Variants in LTBP1 observed in about 807,000 individuals in gnomAD.
The protein encoded by LTBP1 is latent-transforming growth factor beta-binding protein 1.
In LTBP1, 129 loss-of-function variants were observed where a neutral mutation model predicts 207.6. The ratio of observed to expected loss-of-function variants is 0.62; its 90% CI spans 0.54 to 0.72. The LOEUF (loss-of-function observed/expected upper bound fraction) is 0.72, where lower values mean the gene tolerates loss of function less well. Ranked by LOEUF, LTBP1 falls within the 30% of genes least tolerant of loss-of-function variation. The pLI is 0.00. For synonymous variants in LTBP1, 963 were observed against 833.7 expected, an observed-to-expected ratio of 1.16 and a Z score of -2.67; for missense variants, 2,281 against 2,217.2, an observed-to-expected ratio of 1.03 and a Z score of -0.58.
intron 29 of LTBP1, 59 bp downstream of exon 29, chr2:33,363,577 A>G (rs928163834): frequency 8.4e-6 from 13 of 1,548,874 alleles, no homozygotes; most frequent in Non-Finnish European, 9.7e-6. Context: ...GGAAAAAATA[A>G]CTATGCTATG....
chr2:33,175,108 A>C lies in LTBP1; in HGVS notation c.1202-11748A>C, dbSNP rs1055744127. On this transcript the variant is annotated intron_variant, in intron 5 of 33. Coordinates refer to ENST00000404816, the MANE Select transcript of LTBP1 (RefSeq NM_206943.4). ...GGACATAGGCATGGGCAAGGACTTC[A>C]TGTCTAAAACACCAAAAGCAATGGC... 9.2e-5 allele frequency among the ~76,000 whole-genome samples: 14 copies of C among 152,184 alleles called. No individual in the cohort carries two copies. In the South Asian group the frequency reaches 1.0e-3, roughly 11 times the overall value.
chr2:32,992,040 C>T (rs1484182337), intron 2 of LTBP1, among the ~76,000 whole-genome samples: 1 of 152,102 alleles, frequency 6.6e-6, no homozygotes, highest in Non-Finnish European at 1.5e-5. Flanking sequence ...TGACTTTTGT[C>T]AGAATTTGTG....
At chr2:33,393,940 C>T (rs2095338086) in intron 32 of LTBP1, among the ~76,000 whole-genome samples, 2 of 151,388 alleles carry the variant, frequency 1.3e-5, no homozygotes, top group African/African-American at 2.4e-5. Context: ...TCTCCACATC[C>T]TCTCCAGCAC....
At chr2:33,146,378 A>T (rs914916315) in intron 5 of LTBP1, among the ~76,000 whole-genome samples, 3 of 152,220 alleles carry the variant, frequency 2.0e-5, no homozygotes, top group African/African-American at 7.2e-5. Flanking sequence ...ACAAGCCCCT[A>T]TGAGAAGTCA....
chr2:33,019,325 CTTCT>C (rs1688823699), intron 2 of LTBP1, among the ~76,000 whole-genome samples: 1 of 132,836 alleles, frequency 7.5e-6, no homozygotes, highest in African/African-American at 2.8e-5. Context: ...AGCATGTACA[CTTCT>C]TTTTTTTTTT....
At position 33,364,502 on chromosome 2, in the gene LTBP1, A is replaced by C. The variant is rs1233426281; in HGVS notation, c.4540+146A>C. ...AAATGAGATACAATGAGATACTTAC[A>C]GAAATAGTAATAAGATGCATATCAT... is the stretch of plus-strand genomic sequence containing the variant. On this transcript the variant is annotated intron_variant, in intron 30 of 33. Coordinates refer to ENST00000404816, the MANE Select transcript of LTBP1 (RefSeq NM_206943.4). 4 of 774,772 alleles carry C rather than the reference A, an allele frequency of 5.2e-6. No individual in the cohort carries two copies. In the Admixed American group the frequency reaches 1.2e-4, roughly 23 times the overall value. The allele number at this position is 774,772 out of a possible 1,614,324, so 48.0% of individuals were successfully genotyped here. A position where few individuals can be genotyped will look rare whatever the true frequency, so the allele number is the denominator to read the frequency against.
chr2:33,285,433 T>TTTTC (rs752770630), intron 19 of LTBP1, among the ~76,000 whole-genome samples: 4 of 148,728 alleles, frequency 2.7e-5, no homozygotes, highest in African/African-American at 9.9e-5. Flanking sequence ...GAGCATTCTC[T>TTTTC]TTTCTTTCTT....
intron 5 of LTBP1, among the ~76,000 whole-genome samples, chr2:33,186,024 T>C (rs2087152738): frequency 6.6e-6 from 1 of 152,216 alleles, no homozygotes; most frequent in Non-Finnish European, 1.5e-5. Flanking sequence ...CCTCTTAAAA[T>C]TCTTTGCCCA....
chr2:33,157,554 A>T (rs2084068798), intron 5 of LTBP1, among the ~76,000 whole-genome samples: 1 of 152,224 alleles, frequency 6.6e-6, no homozygotes, highest in Admixed American at 6.5e-5. Context: ...TCAAGGTCAT[A>T]GTTGGTGGCA....
At chr2:33,340,258 A>C (rs992669092) in intron 24 of LTBP1, among the ~76,000 whole-genome samples, 83 of 36,090 alleles carry the variant, frequency 2.3e-3, no homozygotes, top group African/African-American at 8.5e-3. Flanking sequence ...ACTCTGTCTC[A>C]AAAAAAAAAA....
At chr2:33,259,543 A>G (rs2092954837) in intron 12 of LTBP1, 45 bp from the exon 13 acceptor site, 4 of 1,395,504 alleles carry the variant, frequency 2.9e-6, no homozygotes, top group Non-Finnish European at 3.9e-6. Context: ...AATAGACTGA[A>G]TTGTCTTAAA....
At chr2:33,252,587 T>A in intron 10 of LTBP1, 90 bp from the exon 11 acceptor site, 1 of 1,225,144 alleles carries the variant, frequency 8.2e-7, no homozygotes, top group Non-Finnish European at 1.1e-6. Context: ...GGTTTTTAAT[T>A]CATACCTTAG....
Position 33,065,249 on chromosome 2 carries a change from G to A in LTBP1, c.863+44043G>A, listed in dbSNP as rs574498614. Among the ~76,000 whole-genome samples, 3 of 152,202 alleles carry A rather than the reference G, an allele frequency of 2.0e-5. No homozygotes were observed. In the East Asian group the frequency reaches 5.8e-4, roughly 29 times the overall value. On this transcript the variant is annotated intron_variant, in intron 3 of 33. Coordinates refer to ENST00000404816, the MANE Select transcript of LTBP1 (RefSeq NM_206943.4). Reference sequence around the variant, plus strand: ...AAGTTTTAAATGTTAAACCAACCTTGCATTACTAGGATAAATTCCACTTGA... The same window carrying A: ...AAGTTTTAAATGTTAAACCAACCTTACATTACTAGGATAAATTCCACTTGA...
At chr2:33,353,659 A>G (rs2094813664) in intron 26 of LTBP1, among the ~76,000 whole-genome samples, 1 of 152,172 alleles carries the variant, frequency 6.6e-6, no homozygotes, top group Non-Finnish European at 1.5e-5. Context: ...GGAAATGTCT[A>G]TTCACACTTC....
intron 3 of LTBP1, among the ~76,000 whole-genome samples, chr2:33,108,830 C>T (rs558320787): frequency 1.2e-4 from 18 of 152,312 alleles, no homozygotes; most frequent in African/African-American, 4.3e-4. Flanking sequence ...TCAGTCACTA[C>T]CAGATGTGTC....
intron 2 of LTBP1, among the ~76,000 whole-genome samples, chr2:32,983,550 A>C (rs1185858291): frequency 6.6e-6 from 1 of 152,194 alleles, no homozygotes; most frequent in Non-Finnish European, 1.5e-5. Flanking sequence ...GTCCCCACCC[A>C]AGTCGTATCT....
At chr2:32,987,416 C>G (rs906298710) in intron 2 of LTBP1, among the ~76,000 whole-genome samples, 3 of 151,996 alleles carry the variant, frequency 2.0e-5, no homozygotes, top group South Asian at 2.1e-4. Context: ...GCTGGGCCAG[C>G]CTTTAGTCAC....
intron 2 of LTBP1, among the ~76,000 whole-genome samples, chr2:32,976,848 A>T (rs1183561408): frequency 6.6e-6 from 1 of 152,196 alleles, no homozygotes; most frequent in Non-Finnish European, 1.5e-5. Flanking sequence ...GCTTGGGTAC[A>T]GCAAACAAGC....
At chr2:33,075,973 C>A (rs1374924759) in intron 3 of LTBP1, among the ~76,000 whole-genome samples, 3 of 152,062 alleles carry the variant, frequency 2.0e-5, no homozygotes, top group Non-Finnish European at 4.4e-5. Flanking sequence ...AGAGTAGACA[C>A]CAAAAGTTTC....
Sources: allele counts gnomAD v4.1 joint callset (sites outside exome capture counted in the v4.1 genomes callset), GRCh38; gene constraint gnomAD v4.1.1; transcripts MANE v1.5; gene names NCBI Gene and HGNC (gene_info 2026-07-23, HGNC 2026-07-21).